Variants in DENND1A observed in about 807,000 individuals in gnomAD.
The protein encoded by DENND1A is DENN domain containing 1A, also known as DENN domain-containing protein 1A.
In DENND1A, 51 loss-of-function variants were observed where a neutral mutation model predicts 113.7. That is an observed-to-expected ratio of 0.45 (90% CI 0.36 to 0.57). The LOEUF is 0.57. Ranked by LOEUF, DENND1A falls within the 20% of genes least tolerant of loss-of-function variation. The probability of loss-of-function intolerance (pLI) is 0.00; values close to 1 mark genes in which losing one functional copy is unlikely to be tolerated. For synonymous variants in DENND1A, 565 were observed against 570.8 expected (o/e 0.99, Z 0.14); for missense variants, 1,258 against 1,395.9 (o/e 0.90, Z 1.57).
At chr9:123,804,247 CT>C (rs1835167946) in intron 2 of DENND1A, among the ~76,000 whole-genome samples, 1 of 152,230 alleles carries the variant, frequency 6.6e-6, no homozygotes, top group African/African-American at 2.4e-5. Context: ...TGACTTGTTC[CT>C]CCTTGCCTTC....
intron 12 of DENND1A, among the ~76,000 whole-genome samples, chr9:123,561,707 T>C (rs1186493741): frequency 6.6e-6 from 1 of 152,002 alleles, no homozygotes; most frequent in Non-Finnish European, 1.5e-5. Flanking sequence ...AATCGGGTGT[T>C]ATAGGAGGAA....
intron 19 of DENND1A, chr9:123,413,446 G>A (rs1159222842): frequency 1.2e-5 from 12 of 985,294 alleles, no homozygotes; most frequent in African/African-American, 1.7e-5. Flanking sequence ...CTGAGTGGGA[G>A]TGACACTTCA....
intron 16 of DENND1A, among the ~76,000 whole-genome samples, chr9:123,453,048 G>A (rs1406299070): frequency 6.6e-6 from 1 of 152,186 alleles, no homozygotes; most frequent in Non-Finnish European, 1.5e-5. Context: ...TCCTAAAAGA[G>A]GCAGTGGAGG....
chr9:123,593,663 T>A (rs966573247), intron 11 of DENND1A, among the ~76,000 whole-genome samples: 2 of 152,208 alleles, frequency 1.3e-5, no homozygotes, highest in African/African-American at 4.8e-5. Context: ...TTTTTCTTTT[T>A]TTTAAAGGGA....
chr9:123,815,658 A>G (rs1837326236), intron 2 of DENND1A, among the ~76,000 whole-genome samples: 1 of 152,232 alleles, frequency 6.6e-6, no homozygotes, highest in Admixed American at 6.5e-5. Context: ...TATTAATTTA[A>G]TATTTACTTT....
At chr9:123,485,676 A>G (rs1425194504) in intron 13 of DENND1A, 58 of 141,406 alleles carry the variant, frequency 4.1e-4, no homozygotes, top group Admixed American at 8.4e-4. Flanking sequence ...ACACACACAC[A>G]CACACACACA....
intron 2 of DENND1A, among the ~76,000 whole-genome samples, chr9:123,862,258 G>A (rs1845162727): frequency 6.6e-6 from 1 of 152,036 alleles, no homozygotes; most frequent in African/African-American, 2.4e-5. Flanking sequence ...CTTTTAGCAG[G>A]AACATTTTAT....
chr9:123,800,644 A>G (rs1834488295), intron 2 of DENND1A, among the ~76,000 whole-genome samples: 1 of 152,222 alleles, frequency 6.6e-6, no homozygotes, highest in Admixed American at 6.5e-5. Context: ...ACATGTTTTC[A>G]TGAAACAGGC....
rs7848536 is a variant in DENND1A at position 123,884,218 on chromosome 9, C to T, written c.18-5197G>A. On this transcript the variant is annotated intron_variant, in intron 1 of 23. Transcript: ENST00000394215. ...GCTCTCTGCGACCACCTTGAGATTGCTTATCCCTCCATTACTCTTCAAGAT... is the reference window on the plus strand; with the variant it reads ...GCTCTCTGCGACCACCTTGAGATTGTTTATCCCTCCATTACTCTTCAAGAT... Among the ~76,000 whole-genome samples the T allele has an allele frequency of 4.0e-3, 614 of 152,234 alleles. 3 individuals carry two copies. The highest frequency in any genetic ancestry group is 0.014 in the African/African-American group (565 of 41,530).
At chr9:123,644,144 A>G (rs1284166171) in intron 9 of DENND1A, among the ~76,000 whole-genome samples, 1 of 152,114 alleles carries the variant, frequency 6.6e-6, no homozygotes, top group East Asian at 1.9e-4. Context: ...GAAAACCCAC[A>G]AGCTCCTAGG....
At chr9:123,856,619 C>T (rs923178159) in intron 2 of DENND1A, among the ~76,000 whole-genome samples, 1 of 152,210 alleles carries the variant, frequency 6.6e-6, no homozygotes, top group African/African-American at 2.4e-5. Context: ...ATGCAGGGAA[C>T]AACATGGAAG....
chr9:123,662,257 C>A (rs78541220), intron 8 of DENND1A, among the ~76,000 whole-genome samples: 4,482 of 152,240 alleles, frequency 0.029, 70 homozygotes, highest in African/African-American at 0.04. Context: ...GAGTTCTATA[C>A]CCAGTCAAAC....
intron 9 of DENND1A, among the ~76,000 whole-genome samples, chr9:123,640,494 A>C (rs2061971734): frequency 6.6e-6 from 1 of 152,238 alleles, no homozygotes; most frequent in South Asian, 2.1e-4. Context: ...GTCCGTACGC[A>C]AAACCTCTTG....
intron 13 of DENND1A, among the ~76,000 whole-genome samples, chr9:123,524,429 T>C (rs1227091956): frequency 6.6e-6 from 1 of 152,166 alleles, no homozygotes; most frequent in Non-Finnish European, 1.5e-5. Context: ...AAAGCCTTCA[T>C]GGGTCCACAA....
intron 1 of DENND1A, among the ~76,000 whole-genome samples, chr9:123,897,683 G>C (rs1210132256): frequency 6.6e-6 from 1 of 152,102 alleles, no homozygotes; most frequent in Non-Finnish European, 1.5e-5. Flanking sequence ...ATGCATAAAG[G>C]TCTGGCCCAG....
chr9:123,403,228 A>G (rs902708006), intron 21 of DENND1A, among the ~76,000 whole-genome samples, 174 bp downstream of exon 21: 3 of 152,218 alleles, frequency 2.0e-5, no homozygotes, highest in Non-Finnish European at 4.4e-5. Context: ...TGGTGTGACA[A>G]CCAGACCGAG....
chr9:123,468,464 C>T (rs1209220653), intron 13 of DENND1A, among the ~76,000 whole-genome samples: 1 of 152,192 alleles, frequency 6.6e-6, no homozygotes, highest in Admixed American at 6.5e-5. Context: ...ACTTGACAGT[C>T]CTTTTTAAAA....
chr9:123,709,179 G>A (rs375786603), intron 5 of DENND1A, among the ~76,000 whole-genome samples: 5 of 152,180 alleles, frequency 3.3e-5, no homozygotes, highest in African/African-American at 1.2e-4. Context: ...CCTAAATGGA[G>A]CAGACAGATC....
intron 19 of DENND1A, among the ~76,000 whole-genome samples, chr9:123,433,677 A>G (rs994430256): frequency 6.6e-6 from 1 of 151,400 alleles, no homozygotes; most frequent in Non-Finnish European, 1.5e-5. Context: ...TTTTAAAAAA[A>G]CAACAACACA....
Sources: allele counts gnomAD v4.1 joint callset (sites outside exome capture counted in the v4.1 genomes callset), GRCh38; gene constraint gnomAD v4.1.1; transcripts MANE v1.5; gene names NCBI Gene and HGNC (gene_info 2026-07-23, HGNC 2026-07-21).